LSM12: variants seen among roughly 807,000 people sequenced by gnomAD.
LSM12 encodes LSM12 homolog, also known as protein LSM12.
For synonymous variants in LSM12, 74 were observed against 87.3 expected, an observed-to-expected ratio of 0.85 and a Z score of 0.85; for missense variants, 108 against 238.9, an observed-to-expected ratio of 0.45 and a Z score of 3.61.
intron 1 of LSM12, 101 bp from the exon 2 acceptor site, chr17:44,064,035 AG>A: frequency 7.4e-7 from 1 of 1,352,988 alleles, no homozygotes; most frequent in Admixed American, 2.2e-5. Flanking sequence ...GGCTTGTAAA[AG>A]GCAGGCCAGG....
intron 2 of LSM12, among the ~76,000 whole-genome samples, chr17:44,061,957 C>T (rs1324487988): frequency 6.6e-6 from 1 of 152,170 alleles, no homozygotes; most frequent in Non-Finnish European, 1.5e-5. Context: ...AGCGGTGGCT[C>T]ACGCCTGTAA....
At chr17:44,054,570 T>C (rs2049686201) in intron 2 of LSM12, among the ~76,000 whole-genome samples, 1 of 152,156 alleles carries the variant, frequency 6.6e-6, no homozygotes, top group Admixed American at 6.6e-5. Flanking sequence ...CCTCCCAAAG[T>C]GCTGGGACTA....
At chr17:44,053,235 TAA>T (rs1299803153) in intron 2 of LSM12, among the ~76,000 whole-genome samples, 1 of 152,224 alleles carries the variant, frequency 6.6e-6, no homozygotes, top group Non-Finnish European at 1.5e-5. Context: ...TTGTCTTAGA[TAA>T]GTTTCATTGG....
rs186373637 is a variant in LSM12 at position 44,052,850 on chromosome 17, A to G, written c.258+10951T>C. On this transcript the variant is annotated intron_variant, in intron 2 of 4. Transcript: ENST00000293406. ...ATAAATTTACATAATTAATAAATAA[A>G]TAAATCACCACTCTGGCCTGGATGA... Among the ~76,000 whole-genome samples the G allele has an allele frequency of 5.9e-3, 897 of 151,430 alleles. 11 individuals are homozygous for G. The highest frequency in any genetic ancestry group is 0.02 in the African/African-American group (849 of 41,418).
intron 2 of LSM12, among the ~76,000 whole-genome samples, chr17:44,061,798 G>C (rs1003351426): frequency 2.0e-5 from 3 of 152,280 alleles, no homozygotes; most frequent in Middle Eastern, 3.4e-3. Flanking sequence ...ACTAAAATTG[G>C]AGGCATCTTA....
chr17:44,066,425 A>G, intron 1 of LSM12, 39 bp downstream of exon 1: 1 of 1,537,208 alleles, frequency 6.5e-7, no homozygotes, highest in Non-Finnish European at 8.7e-7. Flanking sequence ...CCGCACCTAC[A>G]CGCCGGCCCG....
chr17:44,064,194 C>T (rs918767160), intron 1 of LSM12, among the ~76,000 whole-genome samples: 5 of 152,176 alleles, frequency 3.3e-5, no homozygotes, highest in Admixed American at 2.0e-4. Flanking sequence ...AGATTTAATG[C>T]GTTTGTCTTG....
At chr17:44,066,339 G>A (rs908232502) in intron 1 of LSM12, 125 bp downstream of exon 1, 4 of 1,289,466 alleles carry the variant, frequency 3.1e-6, no homozygotes, top group South Asian at 3.3e-5. Flanking sequence ...CATGCGCCCC[G>A]GGCGCCGCGG....
At chr17:44,061,841 G>T (rs991256311) in intron 2 of LSM12, among the ~76,000 whole-genome samples, 1 of 152,176 alleles carries the variant, frequency 6.6e-6, no homozygotes, top group Admixed American at 6.6e-5. Flanking sequence ...AATACTCTGT[G>T]CAAGGCTCTG....
At chr17:44,055,137 A>G (rs575158563) in intron 2 of LSM12, among the ~76,000 whole-genome samples, 3 of 152,188 alleles carry the variant, frequency 2.0e-5, no homozygotes, top group African/African-American at 7.2e-5. Context: ...GGTGTGAGCC[A>G]CTGCACCCAG....
At chr17:44,063,705 A>T (rs1376858332) in intron 2 of LSM12, 96 bp downstream of exon 2, 3 of 1,327,376 alleles carry the variant, frequency 2.3e-6, no homozygotes, top group Non-Finnish European at 3.0e-6. Context: ...AGTCAATTTT[A>T]AAAAATAAAA....
In LSM12 at chr17:44,035,798, GAAGAA is replaced by G. The variant is rs1049698007; in HGVS notation, c.*405_*409del. 2.6e-5 allele frequency: 4 copies of G among 153,520 alleles called. No homozygotes were observed. The highest frequency in any genetic ancestry group is 7.3e-5 in the African/African-American group (3 of 41,258). 9.5% of individuals were successfully genotyped at this position (153,520 alleles called of 1,614,324 possible). On this transcript the variant is annotated 3_prime_UTR_variant, in exon 5 of 5. Transcript: ENST00000293406. ...CAGTCAGCTTGTTACTTTTATTTTG[GAAGAA>G]AAGATGTAAAAGTTTCTTTCAATCA...
At chr17:44,051,479 G>C (rs1420499566) in intron 2 of LSM12, among the ~76,000 whole-genome samples, 2 of 151,788 alleles carry the variant, frequency 1.3e-5, no homozygotes, top group Admixed American at 1.3e-4. Flanking sequence ...CTTGTGCCTG[G>C]GGGGAGGAGG....
chr17:44,066,531 C>T lies in LSM12; in HGVS notation c.57G>A (p.Thr19=). The T allele has an allele frequency of 6.6e-7, 1 of 1,518,830 alleles. No individual in the cohort carries two copies. The highest frequency in any genetic ancestry group is 1.2e-5 in the South Asian group (1 of 81,414). The allele number at this position is 1,518,830 out of a possible 1,614,324, so 94.1% of individuals were successfully genotyped here. Residue 19 remains threonine (T), a synonymous_variant, in exon 1 of 5, where the codon ACG becomes ACA. Transcript: ENST00000293406. ...CGCCCTGCAGCCGCTGCTCCTGGCACGTCCGGCACGACACCTGGCTCCCAA... is the reference window on the plus strand; with the variant it reads ...CGCCCTGCAGCCGCTGCTCCTGGCATGTCCGGCACGACACCTGGCTCCCAA... The part of the protein sequence containing the change: ...FSVGSQVSCR[T]CQEQRLQGEV...
At chr17:44,065,888 T>C (rs55847030) in intron 1 of LSM12, among the ~76,000 whole-genome samples, 22,426 of 151,272 alleles carry the variant, frequency 0.15, 2,053 homozygotes, top group Non-Finnish European at 0.2. Flanking sequence ...TACACACGCA[T>C]CAGCGAAACA....
chr17:44,055,034 A>G (rs1233533242), intron 2 of LSM12, among the ~76,000 whole-genome samples: 1 of 151,228 alleles, frequency 6.6e-6, no homozygotes, highest in Non-Finnish European at 1.5e-5. Flanking sequence ...GTATTTTTCT[A>G]TTTTTAGTAT....
At chr17:44,052,669 G>C in intron 2 of LSM12, among the ~76,000 whole-genome samples, 1 of 151,996 alleles carries the variant, frequency 6.6e-6, no homozygotes. Flanking sequence ...TGAGGCAGGA[G>C]AATCGCTTGA....
intron 2 of LSM12, among the ~76,000 whole-genome samples, chr17:44,057,845 G>C (rs1466325814): frequency 6.6e-6 from 1 of 152,014 alleles, no homozygotes. Context: ...TGAGAGCCTA[G>C]TGTAATGGCA....
chr17:44,061,996 C>A (rs535168860), intron 2 of LSM12, among the ~76,000 whole-genome samples: 7 of 152,022 alleles, frequency 4.6e-5, no homozygotes, highest in Non-Finnish European at 1.0e-4. Context: ...CCGAGGCGGG[C>A]GGATCACAAA....
Sources: gnomAD v4.1 joint callset for allele counts (sites outside exome capture counted in the v4.1 genomes callset) on GRCh38, gnomAD v4.1.1 for gene constraint, MANE v1.5 for transcripts, NCBI Gene and HGNC (gene_info 2026-07-23, HGNC 2026-07-21) for gene names.